LHX4: variants seen among roughly 807,000 people sequenced by gnomAD.
LHX4 encodes the protein LIM/homeobox protein Lhx4.
In LHX4, 16 loss-of-function variants were observed where a neutral mutation model predicts 39.2. The observed-to-expected ratio is 0.41, with a 90% CI of 0.28 to 0.62. LHX4 has a LOEUF of 0.62. Ranked by LOEUF, LHX4 falls within the 20% of genes least tolerant of loss-of-function variation. The pLI, the probability that LHX4 is intolerant of heterozygous loss-of-function variation, is 0.33. For synonymous variants in LHX4, 206 were observed against 198.1 expected (o/e 1.04, Z -0.33); for missense variants, 439 against 511.9 (o/e 0.86, Z 1.37).
intron 3 of LHX4, among the ~76,000 whole-genome samples, chr1:180,267,176 G>A (rs986509319): frequency 6.6e-6 from 1 of 152,216 alleles, no homozygotes; most frequent in African/African-American, 2.4e-5. Context: ...AGAAGAGGCA[G>A]GACACATGCC....
rs187837088 is a variant in LHX4, at chr1:180,254,164, G to T, written c.248+5708G>T. Among the ~76,000 whole-genome samples, 692 of 152,302 alleles carry T rather than the reference G, an allele frequency of 4.5e-3. 6 individuals carry two copies. Among genetic ancestry groups the T allele is most frequent in the Non-Finnish European group, 7.3e-3 (494 of 68,018 alleles). On this transcript the variant is annotated intron_variant, in intron 2 of 5. Transcript: ENST00000263726. The stretch of plus-strand genomic sequence containing the variant: ...CCATCTGCCCGTCAGGGGGCGTGGA[G>T]TGACTCTCGGGTGTTCTGAGGGTGC...
At chr1:180,248,559 C>T in intron 2 of LHX4, 103 bp downstream of exon 2, 1 of 1,286,214 alleles carries the variant, frequency 7.8e-7, no homozygotes, top group Non-Finnish European at 1.1e-6. Flanking sequence ...GGTGGAGAGT[C>T]CACTCTGGGA....
intron 1 of LHX4, among the ~76,000 whole-genome samples, chr1:180,236,899 A>G (rs1258784665): frequency 6.6e-6 from 1 of 152,230 alleles, no homozygotes; most frequent in African/African-American, 2.4e-5. Flanking sequence ...ACATGGCTGC[A>G]TAGACGGCTG....
chr1:180,271,680 GC>G, intron 4 of LHX4, 146 bp downstream of exon 4: 1 of 1,304,650 alleles, frequency 7.7e-7, no homozygotes, highest in Non-Finnish European at 1.1e-6. Flanking sequence ...GAGTTCTGAG[GC>G]CCACCTGGGG....
chr1:180,265,153 C>T (rs953036200), intron 2 of LHX4, among the ~76,000 whole-genome samples: 12 of 152,178 alleles, frequency 7.9e-5, no homozygotes, highest in Non-Finnish European at 1.3e-4. Flanking sequence ...TATGTACTGT[C>T]CTTTCAGGGG....
chr1:180,250,000 T>C (rs1487824979), intron 2 of LHX4, among the ~76,000 whole-genome samples: 2 of 151,942 alleles, frequency 1.3e-5, no homozygotes, highest in Non-Finnish European at 2.9e-5. Flanking sequence ...TGTGAATGTG[T>C]GTTGACTACA....
intron 2 of LHX4, among the ~76,000 whole-genome samples, chr1:180,258,294 G>A (rs368060794): frequency 7.9e-5 from 12 of 152,340 alleles, no homozygotes; most frequent in African/African-American, 2.9e-4. Context: ...TACCTGGGGG[G>A]AGAGCGTGCC....
intron 2 of LHX4, among the ~76,000 whole-genome samples, chr1:180,249,985 G>A (rs1647554696): frequency 6.6e-6 from 1 of 152,016 alleles, no homozygotes; most frequent in Admixed American, 6.6e-5. Flanking sequence ...GAGTGTGAGT[G>A]AGCGTGTGAA....
At chr1:180,253,164 G>A (rs908733914) in intron 2 of LHX4, among the ~76,000 whole-genome samples, 1 of 152,180 alleles carries the variant, frequency 6.6e-6, no homozygotes, top group Non-Finnish European at 1.5e-5. Flanking sequence ...AAGCTGCGGG[G>A]CAATGACTCC....
At chr1:180,250,614 C>T (rs12409555) in intron 2 of LHX4, among the ~76,000 whole-genome samples, 51,057 of 152,048 alleles carry the variant, frequency 0.34, 9,010 homozygotes, top group Non-Finnish European at 0.38. Context: ...TCCAGTGTGG[C>T]GGCTCAGGGA....
At chr1:180,241,656 A>C (rs7527274) in intron 1 of LHX4, among the ~76,000 whole-genome samples, 31,097 of 152,186 alleles carry the variant, frequency 0.2, 3,704 homozygotes, top group South Asian at 0.42. Flanking sequence ...GGGTGGAATT[A>C]GGATCTGAGC....
chr1:180,229,730 C>A (rs1453291651), upstream of LHX4, among the ~76,000 whole-genome samples: 2 of 151,918 alleles, frequency 1.3e-5, no homozygotes, highest in African/African-American at 4.8e-5. Context: ...GCAGCCCCGT[C>A]CCCGGCCTCC....
intron 4 of LHX4, 124 bp from the exon 5 acceptor site, chr1:180,271,711 G>A (rs894691128): frequency 5.2e-5 from 67 of 1,286,254 alleles, no homozygotes; most frequent in Middle Eastern, 2.5e-4. Flanking sequence ...GGGGCGCATC[G>A]CACTCCCAGA....
upstream of LHX4, among the ~76,000 whole-genome samples, chr1:180,228,720 T>C (rs942598960): frequency 6.6e-6 from 1 of 152,122 alleles, no homozygotes; most frequent in African/African-American, 2.4e-5. Context: ...TGTGACCTCA[T>C]TGGAGACAAA....
At chr1:180,231,251 A>C (rs1664170289) in intron 1 of LHX4, among the ~76,000 whole-genome samples, 2 of 151,772 alleles carry the variant, frequency 1.3e-5, no homozygotes, top group East Asian at 3.9e-4. Context: ...AGCGACCGCA[A>C]GTTGTGAATT....
At position 180,234,855 on chromosome 1, in the gene LHX4, G is replaced by A. The variant is rs1457459458; in HGVS notation, c.76+4250G>A. On this transcript the variant is annotated intron_variant, in intron 1 of 5. Transcript: ENST00000263726. The surrounding 1 kb of genome is among the most constrained non-coding windows in gnomAD (Gnocchi z 4.8). ...GCAGGAGTGGCGTCCTAGGGTCTGG[G>A]AGCGCGACCCACATGACCTCGCTAC... 6.6e-6 allele frequency among the ~76,000 whole-genome samples: 1 copy of A among 152,258 alleles called. No homozygotes were observed. Among genetic ancestry groups the A allele is most frequent in the East Asian group, 1.9e-4 (1 of 5,194 alleles).
intron 2 of LHX4, among the ~76,000 whole-genome samples, chr1:180,261,704 C>G (rs1383072207): frequency 6.6e-6 from 1 of 152,174 alleles, no homozygotes; most frequent in Non-Finnish European, 1.5e-5. Context: ...ACTGCCTTCA[C>G]TGAAATATAC....
At chr1:180,268,723 G>A (rs1002431946) in intron 3 of LHX4, among the ~76,000 whole-genome samples, 2 of 152,260 alleles carry the variant, frequency 1.3e-5, no homozygotes, top group Middle Eastern at 3.4e-3. Context: ...TTAAAGCAGC[G>A]GAATGTTACA....
At chr1:180,260,559 G>A (rs942414310) in intron 2 of LHX4, among the ~76,000 whole-genome samples, 1 of 151,878 alleles carries the variant, frequency 6.6e-6, no homozygotes, top group Admixed American at 6.5e-5. Flanking sequence ...GTCCTCTCCT[G>A]GGGTCCAGAG....
Sources: allele counts gnomAD v4.1 joint callset (sites outside exome capture counted in the v4.1 genomes callset), GRCh38; gene constraint gnomAD v4.1.1; non-coding constraint Gnocchi (gnomAD v3.1); transcripts MANE v1.5; gene names NCBI Gene and HGNC (gene_info 2026-07-23, HGNC 2026-07-21).